The following AKAP13 variants were observed in gnomAD, a reference collection of about 807,000 sequenced individuals.
The protein encoded by AKAP13 is A-kinase anchor protein 13.
In AKAP13, 80 loss-of-function variants were observed where a neutral mutation model predicts 264.5. The ratio of observed to expected loss-of-function variants is 0.30; its 90% confidence interval spans 0.25 to 0.36. The LOEUF is 0.36. Among genes scored for constraint, AKAP13 ranks in the 10% least tolerant of loss-of-function variants. AKAP13 has a pLI of 1.00. For missense variants in AKAP13, 3,712 were observed against 3,435.2 expected (o/e 1.08, Z -2.01); for synonymous variants, 1,380 against 1,250.2 (o/e 1.10, Z -2.19).
At chr15:85,559,266 A>G (rs762904236) in intron 5 of AKAP13, among the ~76,000 whole-genome samples, 1 of 152,190 alleles carries the variant, frequency 6.6e-6, no homozygotes, top group Non-Finnish European at 1.5e-5. Flanking sequence ...CAGAGACAAC[A>G]CAAGTTCTGA....
intron 1 of AKAP13, among the ~76,000 whole-genome samples, chr15:85,395,884 G>C (rs2071085413): frequency 6.6e-6 from 1 of 151,970 alleles, no homozygotes; most frequent in Admixed American, 6.6e-5. Flanking sequence ...TTTCCTCCCA[G>C]ATTATAAACT....
intron 1 of AKAP13, among the ~76,000 whole-genome samples, chr15:85,464,476 A>G (rs999603198): frequency 6.6e-6 from 1 of 152,184 alleles, no homozygotes; most frequent in African/African-American, 2.4e-5. Context: ...AGCCTTCCAC[A>G]TTCATATTTA....
chr15:85,510,206 T>C (rs2076372731), intron 2 of AKAP13, among the ~76,000 whole-genome samples: 1 of 152,224 alleles, frequency 6.6e-6, no homozygotes, highest in Admixed American at 6.5e-5. Flanking sequence ...TTCACTGTAA[T>C]GGCATAAGCT....
chr15:85,459,560 T>C (rs896478967), intron 1 of AKAP13, among the ~76,000 whole-genome samples: 1 of 151,574 alleles, frequency 6.6e-6, no homozygotes, highest in East Asian at 1.9e-4. Context: ...AGTGCAGTGG[T>C]GCAATCTCAG....
intron 1 of AKAP13, among the ~76,000 whole-genome samples, chr15:85,445,067 C>T (rs1227706507): frequency 6.6e-6 from 1 of 152,072 alleles, no homozygotes; most frequent in Non-Finnish European, 1.5e-5. Context: ...TATGCTTATT[C>T]AGTCAAAAAG....
At chr15:85,656,508 G>A (rs910654320) in intron 11 of AKAP13, among the ~76,000 whole-genome samples, 10 of 152,002 alleles carry the variant, frequency 6.6e-5, no homozygotes, top group African/African-American at 1.7e-4. Context: ...GTGCAGCGGC[G>A]CAATCTCGGC....
At chr15:85,423,471 C>A (rs974768923) in intron 1 of AKAP13, among the ~76,000 whole-genome samples, 1 of 152,226 alleles carries the variant, frequency 6.6e-6, no homozygotes, top group African/African-American at 2.4e-5. Context: ...AAGAAGCAAC[C>A]TGCCATCTGT....
intron 2 of AKAP13, among the ~76,000 whole-genome samples, chr15:85,493,060 G>A (rs984781944): frequency 5.3e-5 from 8 of 152,166 alleles, no homozygotes; most frequent in Non-Finnish European, 8.8e-5. Flanking sequence ...CTTGTTCTGC[G>A]CAAGGTGTAC....
At position 85,579,519 on chromosome 15, in the gene AKAP13, A is replaced by G. The variant is rs1596591037; in HGVS notation, c.1451A>G (p.His484Arg). 1 of 1,614,186 alleles carries G rather than the reference A, an allele frequency of 6.2e-7. No homozygotes were observed. The highest frequency in any genetic ancestry group is 8.5e-7 in the Non-Finnish European group (1 of 1,180,026). The change falls in exon 7 of 37, where the codon CAT (histidine) becomes CGT (arginine). Residue 484 changes from histidine to arginine, a missense_variant. By Grantham distance (29) the His-to-Arg change is conservative (BLOSUM62 0). Coordinates refer to ENST00000394518, the MANE Select transcript of AKAP13 (RefSeq NM_007200.5). ...STPDTAGEME[H>R]GLMNPDATVW... ...CCAGACACTGCAGGGGAAATGGAACATGGGCTCATGAACCCAGATGCCACT... is the reference window on the plus strand; with the variant it reads ...CCAGACACTGCAGGGGAAATGGAACGTGGGCTCATGAACCCAGATGCCACT...
chr15:85,526,096 C>T (rs62023881), intron 3 of AKAP13, among the ~76,000 whole-genome samples: 9,977 of 151,914 alleles, frequency 0.066, 467 homozygotes, highest in Non-Finnish European at 0.096. Context: ...TTTTCTTTTT[C>T]ACTGATAAGG....
At chr15:85,512,186 G>A (rs1417516405) in intron 2 of AKAP13, among the ~76,000 whole-genome samples, 1 of 152,122 alleles carries the variant, frequency 6.6e-6, no homozygotes, top group Non-Finnish European at 1.5e-5. Flanking sequence ...GGCCTTGTGT[G>A]AAGTTTCAAA....
intron 5 of AKAP13, among the ~76,000 whole-genome samples, chr15:85,559,811 C>A (rs1233165564): frequency 6.6e-6 from 1 of 152,022 alleles, no homozygotes; most frequent in Admixed American, 6.6e-5. Context: ...ACTGTGTGGC[C>A]TAACACGCCA....
At chr15:85,392,216 A>G (rs1012924836) in intron 1 of AKAP13, among the ~76,000 whole-genome samples, 3 of 144,420 alleles carry the variant, frequency 2.1e-5, no homozygotes, top group East Asian at 2.0e-4. Context: ...TTTACTATGT[A>G]TAGTCTATTG....
chr15:85,458,661 G>A (rs930273168), intron 1 of AKAP13, among the ~76,000 whole-genome samples: 1 of 152,032 alleles, frequency 6.6e-6, no homozygotes, highest in Non-Finnish European at 1.5e-5. Flanking sequence ...TTGAAACTTA[G>A]GGTGATCATT....
chr15:85,694,356 A>G (rs2151642097), intron 17 of AKAP13, among the ~76,000 whole-genome samples: 1 of 152,340 alleles, frequency 6.6e-6, no homozygotes, highest in African/African-American at 2.4e-5. Context: ...AAAGTATCTT[A>G]GGCATCGTGA....
At chr15:85,511,234 G>A (rs768805045) in intron 2 of AKAP13, among the ~76,000 whole-genome samples, 15 of 152,022 alleles carry the variant, frequency 9.9e-5, no homozygotes, top group Admixed American at 5.2e-4. Flanking sequence ...GCCCTTCCTT[G>A]TTTGGCCTGT....
intron 1 of AKAP13, among the ~76,000 whole-genome samples, chr15:85,408,283 A>G (rs2071770498): frequency 6.6e-6 from 1 of 151,814 alleles, no homozygotes; most frequent in Admixed American, 6.5e-5. Context: ...AAGAATATTA[A>G]AAAATGTTAA....
At position 85,380,616 on chromosome 15, in the gene AKAP13, G is replaced by C. The variant is rs371455778; in HGVS notation, c.-194G>C. On this transcript the variant is annotated 5_prime_UTR_variant, in exon 1 of 37. Transcript: ENST00000394518. ...CGGACTGGAGCTGTGTGCAGGGCCA[G>C]CGCGGAGCCCGAGCAGCCGCGGTGA... 2.1e-5 allele frequency: 3 copies of C among 141,912 alleles called. No homozygotes were observed. The highest frequency in any genetic ancestry group is 5.1e-5 in the African/African-American group (2 of 39,206). 8.8% of individuals were successfully genotyped at this position (141,912 alleles called of 1,614,324 possible).
At chr15:85,660,352 CAAAAAAAAAAAAAAA>C (rs35636118) in intron 12 of AKAP13, among the ~76,000 whole-genome samples, 1 of 68,544 alleles carries the variant, frequency 1.5e-5, no homozygotes, top group Non-Finnish European at 2.6e-5. Flanking sequence ...ATCTAAGTCT[CAAAAAAAAAAAAAAA>C]AAAAAAAAAA....
Sources: gnomAD v4.1 joint callset for allele counts (sites outside exome capture counted in the v4.1 genomes callset) on GRCh38, gnomAD v4.1.1 for gene constraint, MANE v1.5 for transcripts, NCBI Gene and HGNC (gene_info 2026-07-23, HGNC 2026-07-21) for gene names.